Variants in MPDZ observed in about 807,000 individuals in gnomAD.
The protein encoded by MPDZ is multiple PDZ domain protein.
In MPDZ, 234 loss-of-function variants were observed where a neutral mutation model predicts 239.1. That is an observed-to-expected ratio of 0.98 (90% CI 0.88 to 1.09). MPDZ has a LOEUF of 1.09. Among genes scored for constraint, MPDZ ranks in the 50% least tolerant of loss-of-function variants. MPDZ has a pLI of 0.00. For missense variants in MPDZ, 3,175 were observed against 2,510.0 expected (o/e 1.26, Z -5.66); for synonymous variants, 1,048 against 881.3 (o/e 1.19, Z -3.35).
chr9:13,205,457 A>T (rs1168323882), intron 11 of MPDZ, among the ~76,000 whole-genome samples: 1 of 152,190 alleles, frequency 6.6e-6, no homozygotes, highest in Non-Finnish European at 1.5e-5. Context: ...ATATTCATGT[A>T]CAAACAGCTT....
intron 8 of MPDZ, among the ~76,000 whole-genome samples, chr9:13,218,703 CAT>C (rs1007265887): frequency 1.9e-4 from 29 of 151,856 alleles, no homozygotes; most frequent in African/African-American, 6.7e-4. Flanking sequence ...TAGAACAAAA[CAT>C]AGATTTTTTA....
chr9:13,174,449 G>A (rs1952197948), intron 21 of MPDZ, among the ~76,000 whole-genome samples: 2 of 152,044 alleles, frequency 1.3e-5, no homozygotes, highest in South Asian at 4.1e-4. Flanking sequence ...AAGAAAAATG[G>A]GTTCTATGGC....
chr9:13,129,547 A>G (rs1483733387), intron 32 of MPDZ, among the ~76,000 whole-genome samples: 6 of 152,212 alleles, frequency 3.9e-5, no homozygotes, highest in Non-Finnish European at 2.9e-5. Flanking sequence ...GGATAACAGC[A>G]TATGAATGTG....
In MPDZ at chr9:13,162,769, A is replaced by T; in HGVS notation, c.3281T>A (p.Leu1094Ter). The stretch of plus-strand genomic sequence containing the variant: ...TCCCAAGCTTATTTTGAACTCTTCC[A>T]AATGTTCTGCAGGCACATAAGTAAT... The part of the protein sequence containing the change: ...IKITYVPAEH[L>*]EEFKISLGQQ... Residue 1094 changes from leucine to a stop codon, truncating the protein, a stop_gained, in exon 23 of 47, where the codon TTG becomes TAG. Transcript: ENST00000319217. LOFTEE classifies it high-confidence loss of function. 1 of 1,610,756 alleles carries T rather than the reference A, an allele frequency of 6.2e-7. No homozygotes were observed. Among genetic ancestry groups the T allele is most frequent in the Non-Finnish European group, 8.5e-7 (1 of 1,178,068 alleles).
At position 13,190,186 on chromosome 9, in the gene MPDZ, C is replaced by A. The variant is rs770176408; in HGVS notation, c.2082G>T (p.Trp694Cys). 22 of 1,613,146 alleles carry A rather than the reference C, an allele frequency of 1.4e-5. No homozygotes were observed. The East Asian group carries it at 4.7e-4, about 34-fold the overall frequency. The change falls in exon 16 of 47, where the codon TGG becomes TGT. Residue 694 changes from tryptophan to cysteine, a missense_variant. Physicochemically the swap from Trp to Cys is radical, Grantham distance 215. Transcript: ENST00000319217. ...TEEVQAPLAM[W>C]EAGIQHIELE... ...GCTCTATGTGCTGAATGCCAGCCTC[C>A]CACATGGCCAAAGGTGCTTGAACCT...
intron 19 of MPDZ, among the ~76,000 whole-genome samples, chr9:13,176,680 C>CATAA (rs1554678639): frequency 2.0e-5 from 3 of 152,038 alleles, no homozygotes; most frequent in Non-Finnish European, 4.4e-5. Flanking sequence ...AGATACTGTA[C>CATAA]GTAAGATCAT....
intron 1 of MPDZ, among the ~76,000 whole-genome samples, chr9:13,264,920 A>G (rs1971481258): frequency 6.6e-6 from 1 of 152,236 alleles, no homozygotes; most frequent in Admixed American, 6.5e-5. Flanking sequence ...GTTGTTGGGC[A>G]GATTGCCCCT....
chr9:13,261,602 A>G (rs1408944649), intron 1 of MPDZ, among the ~76,000 whole-genome samples: 1 of 152,234 alleles, frequency 6.6e-6, no homozygotes, highest in Non-Finnish European at 1.5e-5. Context: ...CAGGAGAGAT[A>G]GTTACATCAG....
chr9:13,262,146 T>C (rs1372275944), intron 1 of MPDZ, among the ~76,000 whole-genome samples: 2 of 152,002 alleles, frequency 1.3e-5, no homozygotes, highest in African/African-American at 4.8e-5. Context: ...TATTTATAAA[T>C]AGTAAAAATA....
rs377725461 is a variant in MPDZ at position 13,190,223 on chromosome 9, T to C, written c.2045A>G (p.Gln682Arg). 59 of 1,612,866 alleles carry C rather than the reference T, an allele frequency of 3.7e-5. No individual in the cohort carries two copies. Among genetic ancestry groups the C allele is most frequent in the Non-Finnish European group, 4.6e-5 (54 of 1,179,456 alleles). ...AGGTGCTTGAACCTCTTCTGTACTCTGACCCGCATCAGTCATCGCCAGCAC... is the reference window on the plus strand; with the variant it reads ...AGGTGCTTGAACCTCTTCTGTACTCCGACCCGCATCAGTCATCGCCAGCAC... Reference protein sequence around the residue: ...DPVLAMTDAGQSTEEVQAPLA... With the variant: ...DPVLAMTDAGRSTEEVQAPLA... The change falls in exon 16 of 47, where the codon CAG (glutamine) becomes CGG (arginine). Residue 682 changes from glutamine to arginine, a missense_variant. Gln to Arg is a conservative substitution (Grantham distance 43). Transcript: ENST00000319217.
chr9:13,267,664 G>C (rs1268455879), intron 1 of MPDZ, among the ~76,000 whole-genome samples: 2 of 152,158 alleles, frequency 1.3e-5, no homozygotes, highest in Non-Finnish European at 2.9e-5. Flanking sequence ...AAAAGACATG[G>C]AGAAGAATGT....
chr9:13,137,251 A>G (rs10116304), intron 29 of MPDZ, among the ~76,000 whole-genome samples: 71,590 of 152,042 alleles, frequency 0.47, 19,956 homozygotes, highest in African/African-American at 0.78. Context: ...AAGAAATGCT[A>G]GGTAGATTCA....
intron 17 of MPDZ, among the ~76,000 whole-genome samples, chr9:13,188,302 G>T (rs1326534290): frequency 1.3e-5 from 2 of 152,088 alleles, no homozygotes; most frequent in Non-Finnish European, 2.9e-5. Flanking sequence ...GGGATCACTT[G>T]AGGTAAGGAG....
At chr9:13,206,234 G>T in intron 10 of MPDZ, 135 bp from the exon 11 acceptor site, 2 of 780,912 alleles carry the variant, frequency 2.6e-6, no homozygotes, top group Non-Finnish European at 3.9e-6. Context: ...TCAGGGAATT[G>T]ACAGTAAGAC....
chr9:13,269,579 C>T (rs979144699), intron 1 of MPDZ, among the ~76,000 whole-genome samples: 2 of 152,128 alleles, frequency 1.3e-5, no homozygotes, highest in South Asian at 2.1e-4. Context: ...TAAACCAAAA[C>T]AAATGTACCT....
intron 24 of MPDZ, among the ~76,000 whole-genome samples, chr9:13,151,020 A>G (rs1289446750): frequency 6.6e-6 from 1 of 152,096 alleles, no homozygotes; most frequent in Non-Finnish European, 1.5e-5. Context: ...TCTTGAAGAT[A>G]CATAAATGAC....
At chr9:13,271,040 T>C (rs1255203057) in intron 1 of MPDZ, among the ~76,000 whole-genome samples, 1 of 152,166 alleles carries the variant, frequency 6.6e-6, no homozygotes. Context: ...GTGCTTAAAC[T>C]CTTCATACGG....
intron 28 of MPDZ, 101 bp downstream of exon 28, chr9:13,139,886 A>G: frequency 1.5e-6 from 2 of 1,362,534 alleles, no homozygotes; most frequent in Non-Finnish European, 2.1e-6. Context: ...TATATATCAC[A>G]AAGCTGCAAC....
Position 13,112,996 on chromosome 9 carries a change from C to A in MPDZ, c.5601+15G>T. ...AAAACGCCAGGGTTTATATTGTTTT[C>A]TCTCCCCAAGTTACCTTTTTCATTT... On this transcript the variant is annotated intron_variant, in intron 42 of 46. Coordinates refer to ENST00000319217, the MANE Select transcript of MPDZ (RefSeq NM_001378778.1). The A allele has an allele frequency of 6.3e-7, 1 of 1,577,746 alleles. No homozygotes were observed. Among genetic ancestry groups the A allele is most frequent in the Non-Finnish European group, 8.6e-7 (1 of 1,158,880 alleles).
Sources: allele counts gnomAD v4.1 joint callset (sites outside exome capture counted in the v4.1 genomes callset), GRCh38; gene constraint gnomAD v4.1.1; transcripts MANE v1.5; gene names NCBI Gene and HGNC (gene_info 2026-07-23, HGNC 2026-07-21).